Variants in TMEM178B observed in about 807,000 individuals in gnomAD.
The protein encoded by TMEM178B is transmembrane protein 178B.
TMEM178B carries 5 observed loss-of-function variants against 31.0 expected under a neutral mutation model. That is an observed-to-expected ratio of 0.16 (90% CI 0.08 to 0.34). TMEM178B has a LOEUF of 0.34. Among genes scored for constraint, TMEM178B ranks in the 10% least tolerant of loss-of-function variants. The pLI is 1.00. For missense variants in TMEM178B, 275 were observed against 400.3 expected (o/e 0.69, Z 2.67); for synonymous variants, 164 against 164.0 (o/e 1.00, Z 0.00).
At chr7:141,084,376 T>A (rs1455724520) in intron 1 of TMEM178B, among the ~76,000 whole-genome samples, 1 of 152,226 alleles carries the variant, frequency 6.6e-6, no homozygotes, top group African/African-American at 2.4e-5. Context: ...AAAATGTCTA[T>A]TAAGCACCAA....
intron 1 of TMEM178B, among the ~76,000 whole-genome samples, chr7:141,178,441 A>C (rs1193417805): frequency 6.6e-6 from 1 of 152,208 alleles, no homozygotes; most frequent in Non-Finnish European, 1.5e-5. Context: ...TTCTTCTATA[A>C]TCATTGACAT....
intron 2 of TMEM178B, among the ~76,000 whole-genome samples, chr7:141,241,193 C>T (rs1001274059): frequency 1.3e-5 from 2 of 151,562 alleles, no homozygotes; most frequent in African/African-American, 4.9e-5. Context: ...TTCTGAGTCT[C>T]TGAAGTCCAT....
At chr7:141,324,299 G>T (rs1799149075) in intron 2 of TMEM178B, among the ~76,000 whole-genome samples, 1 of 152,046 alleles carries the variant, frequency 6.6e-6, no homozygotes, top group African/African-American at 2.4e-5. Flanking sequence ...GTAGCAGCCT[G>T]GGGAGAGTGA....
chr7:141,337,665 G>T (rs1455649376), intron 2 of TMEM178B, among the ~76,000 whole-genome samples: 1 of 152,204 alleles, frequency 6.6e-6, no homozygotes, highest in Non-Finnish European at 1.5e-5. Flanking sequence ...GGATATTTAT[G>T]TGTGTGCTTT....
chr7:141,137,849 A>C (rs192227186), intron 1 of TMEM178B, among the ~76,000 whole-genome samples: 107 of 152,284 alleles, frequency 7.0e-4, no homozygotes, highest in African/African-American at 2.4e-3. Flanking sequence ...AAAATAGAGA[A>C]AATACACTGA....
chr7:141,386,636 A>G (rs2116596877), intron 2 of TMEM178B, among the ~76,000 whole-genome samples: 1 of 152,318 alleles, frequency 6.6e-6, no homozygotes, highest in South Asian at 2.1e-4. Context: ...GGTTTTAAAC[A>G]TTCTAGGGGG....
chr7:141,254,857 C>T lies in TMEM178B; in HGVS notation c.496+42153C>T, dbSNP rs1440106552. On this transcript the variant is annotated intron_variant, in intron 2 of 3. Coordinates refer to ENST00000565468, the MANE Select transcript of TMEM178B (RefSeq NM_001195278.2). ...TAAGTAAAGGTGACCCCCATTTTAA[C>T]AGCAGGTGATAAATAAAAATCTGTA... is the stretch of plus-strand genomic sequence containing the variant. Among the ~76,000 whole-genome samples the T allele has an allele frequency of 5.3e-5, 8 of 152,214 alleles. 1 individual carries two copies. In the South Asian group the frequency reaches 6.2e-4, roughly 12 times the overall value.
intron 2 of TMEM178B, among the ~76,000 whole-genome samples, chr7:141,327,679 G>T (rs1470725294): frequency 6.6e-6 from 1 of 152,126 alleles, no homozygotes; most frequent in Non-Finnish European, 1.5e-5. Context: ...TTGGGAGGTA[G>T]GACTTTCAAG....
At chr7:141,358,899 G>T (rs1271241093) in intron 2 of TMEM178B, among the ~76,000 whole-genome samples, 2 of 152,184 alleles carry the variant, frequency 1.3e-5, no homozygotes, top group Non-Finnish European at 2.9e-5. Flanking sequence ...GTTACTAAAA[G>T]TCATTCCCAG....
chr7:141,389,475 A>G (rs114841351), intron 2 of TMEM178B, among the ~76,000 whole-genome samples: 1,704 of 152,366 alleles, frequency 0.011, 24 homozygotes, highest in African/African-American at 0.038. Context: ...ACAACATAGT[A>G]TAGTAAAAGA....
the TMEM178B span, among the ~76,000 whole-genome samples, chr7:141,494,033 C>T: frequency 6.6e-6 from 1 of 152,256 alleles, no homozygotes; most frequent in Admixed American, 6.5e-5. Flanking sequence ...TTCTTCCTTT[C>T]CCCCCTCCCC....
chr7:141,276,411 C>T (rs1344758962), intron 2 of TMEM178B, among the ~76,000 whole-genome samples: 5 of 152,124 alleles, frequency 3.3e-5, no homozygotes, highest in Non-Finnish European at 7.3e-5. Flanking sequence ...TTAATTGACT[C>T]ATAGTTCTGC....
intron 1 of TMEM178B, among the ~76,000 whole-genome samples, chr7:141,211,226 A>G (rs907554664): frequency 5.9e-5 from 9 of 152,172 alleles, no homozygotes; most frequent in African/African-American, 2.2e-4. Context: ...AAAGAGGCAG[A>G]AAAGTTGAAA....
chr7:141,375,292 G>A (rs530649909), intron 2 of TMEM178B, among the ~76,000 whole-genome samples: 2 of 152,276 alleles, frequency 1.3e-5, no homozygotes, highest in African/African-American at 4.8e-5. Context: ...GTTTGAAACT[G>A]CTTGCAGCCT....
chr7:141,470,766 G>T lies in TMEM178B; in HGVS notation c.865G>T (p.Glu289Ter). Residue 289 changes from glutamate (E) to a stop codon, truncating the protein, a stop_gained, in exon 4 of 4, where the codon GAG (glutamate) becomes TAG (stop). Coordinates refer to ENST00000565468, the MANE Select transcript of TMEM178B (RefSeq NM_001195278.2). LOFTEE classifies it high-confidence loss of function. ...GACCAACTACCCTAAATCCAGACCC[G>T]AGAATGGGACAGTGTGCTAAAAAAC... ...PRTNYPKSRP[E>*]NGTVC 1 of 1,520,418 alleles carries T rather than the reference G, an allele frequency of 6.6e-7. No homozygotes were observed. The highest frequency in any genetic ancestry group is 1.2e-5 in the South Asian group (1 of 80,878). 94.2% of individuals were successfully genotyped at this position (1,520,418 alleles called of 1,614,324 possible).
intron 2 of TMEM178B, among the ~76,000 whole-genome samples, chr7:141,296,163 G>A (rs1798629351): frequency 6.6e-6 from 1 of 151,970 alleles, no homozygotes; most frequent in Non-Finnish European, 1.5e-5. Flanking sequence ...CACCTCCCAG[G>A]TCCAAGCAAT....
chr7:141,343,326 T>C (rs1329700290), intron 2 of TMEM178B, among the ~76,000 whole-genome samples: 1 of 152,174 alleles, frequency 6.6e-6, no homozygotes, highest in Non-Finnish European at 1.5e-5. Context: ...ATTCTGATTA[T>C]GAATTTCCTA....
chr7:141,486,997 A>T, the TMEM178B span, among the ~76,000 whole-genome samples: 1 of 152,128 alleles, frequency 6.6e-6, no homozygotes, highest in Admixed American at 6.5e-5. Flanking sequence ...AGGGACACAG[A>T]TGCTGTGGTC....
intron 1 of TMEM178B, among the ~76,000 whole-genome samples, chr7:141,161,812 G>A (rs145368938): frequency 6.6e-6 from 1 of 151,982 alleles, no homozygotes; most frequent in East Asian, 1.9e-4. Flanking sequence ...GTGTATGAGA[G>A]TTTGTGAGGG....
Sources: allele counts gnomAD v4.1 joint callset (sites outside exome capture counted in the v4.1 genomes callset), GRCh38; gene constraint gnomAD v4.1.1; transcripts MANE v1.5; gene names NCBI Gene and HGNC (gene_info 2026-07-23, HGNC 2026-07-21).